The following PTTG1IP2 variants were observed in gnomAD, a reference collection of about 807,000 sequenced individuals.
PTTG1IP2 encodes the protein PTTG1IP family member 2.
At chr7:90,483,709 A>G (rs1184210823) in intron 2 of PTTG1IP2, among the ~76,000 whole-genome samples, 2 of 152,328 alleles carry the variant, frequency 1.3e-5, no homozygotes, top group East Asian at 3.9e-4. Flanking sequence ...TTAATCACTC[A>G]TTCCTTTTGG....
chr7:90,506,916 T>G (rs1798130491), intron 6 of PTTG1IP2, among the ~76,000 whole-genome samples: 1 of 150,800 alleles, frequency 6.6e-6, no homozygotes, highest in African/African-American at 2.5e-5. Context: ...TTCTCTGGTG[T>G]GGTATTTTTT....
intron 6 of PTTG1IP2, among the ~76,000 whole-genome samples, chr7:90,504,080 G>A (rs1798096354): frequency 6.6e-6 from 1 of 152,152 alleles, no homozygotes; most frequent in African/African-American, 2.4e-5. Flanking sequence ...ATTTTGGGAG[G>A]CTGGAGCAGG....
At chr7:90,482,522 C>T (rs1402316971) in intron 2 of PTTG1IP2, among the ~76,000 whole-genome samples, 1 of 148,948 alleles carries the variant, frequency 6.7e-6, no homozygotes, top group South Asian at 2.2e-4. Flanking sequence ...CCCCACACAA[C>T]TCATAAACAT....
intron 6 of PTTG1IP2, among the ~76,000 whole-genome samples, chr7:90,497,713 T>TAAAAAAAAAAAAAAAAAAAAAAAAAA (rs1491565834): frequency 8.1e-5 from 4 of 49,598 alleles, no homozygotes; most frequent in African/African-American, 4.1e-4. Flanking sequence ...AAAGACCCTG[T>TAAAAAAAAAAAAAAAAAAAAAAAAAA]ATAAAAAAAA....
chr7:90,507,637 G>T (rs1798138877), intron 6 of PTTG1IP2, among the ~76,000 whole-genome samples: 1 of 152,108 alleles, frequency 6.6e-6, no homozygotes, highest in Non-Finnish European at 1.5e-5. Context: ...AAATATCTTG[G>T]ATTCTCATCT....
intron 2 of PTTG1IP2, among the ~76,000 whole-genome samples, chr7:90,482,058 T>C (rs766182160): frequency 1.8e-4 from 28 of 152,140 alleles, no homozygotes; most frequent in Non-Finnish European, 2.8e-4. Flanking sequence ...TAATTCCACA[T>C]GGTCAACATA....
At chr7:90,472,320 A>ACACACACACC (rs200172778) in intron 1 of PTTG1IP2, among the ~76,000 whole-genome samples, 1 of 101,746 alleles carries the variant, frequency 9.8e-6, no homozygotes, top group Admixed American at 1.1e-4. Flanking sequence ...ACACACACAC[A>ACACACACACC]CCCCAAATAA....
intron 6 of PTTG1IP2, among the ~76,000 whole-genome samples, chr7:90,495,426 C>G (rs17865013): frequency 0.042 from 6,437 of 152,260 alleles, 283 homozygotes; most frequent in East Asian, 0.13. Flanking sequence ...AGGGACTATC[C>G]TTTGGATTAC....
At chr7:90,498,211 G>C (rs1375767196) in intron 6 of PTTG1IP2, among the ~76,000 whole-genome samples, 5 of 152,114 alleles carry the variant, frequency 3.3e-5, no homozygotes, top group Non-Finnish European at 7.4e-5. Flanking sequence ...ATTTTTAGTA[G>C]AGACGGGGTT....
At chr7:90,486,071 T>A (rs913192469) in intron 2 of PTTG1IP2, among the ~76,000 whole-genome samples, 1 of 152,208 alleles carries the variant, frequency 6.6e-6, no homozygotes, top group African/African-American at 2.4e-5. Flanking sequence ...AAACAAAAGC[T>A]GGCCTGTGAT....
intron 2 of PTTG1IP2, among the ~76,000 whole-genome samples, chr7:90,483,407 T>C (rs550412407): frequency 2.6e-5 from 4 of 152,334 alleles, no homozygotes; most frequent in Non-Finnish European, 4.4e-5. Context: ...CCTCTATCTA[T>C]GTGTCATACT....
At chr7:90,503,924 T>A (rs1354099155) in intron 6 of PTTG1IP2, among the ~76,000 whole-genome samples, 1 of 152,160 alleles carries the variant, frequency 6.6e-6, no homozygotes, top group African/African-American at 2.4e-5. Flanking sequence ...AAACCTTAAA[T>A]CTGTAGAAAG....
At chr7:90,512,888 G>A (rs545401810) in intron 6 of PTTG1IP2, among the ~76,000 whole-genome samples, 1 of 152,286 alleles carries the variant, frequency 6.6e-6, no homozygotes, top group African/African-American at 2.4e-5. Context: ...GTGACCTTTT[G>A]GAATAGATGG....
intron 1 of PTTG1IP2, among the ~76,000 whole-genome samples, chr7:90,472,514 A>G (rs1797703980): frequency 6.6e-6 from 1 of 152,250 alleles, no homozygotes; most frequent in South Asian, 2.1e-4. Flanking sequence ...TAATTTGAAT[A>G]TAAGGCAAGG....
At chr7:90,492,897 C>T (rs1026153418) in intron 5 of PTTG1IP2, among the ~76,000 whole-genome samples, 2 of 152,092 alleles carry the variant, frequency 1.3e-5, no homozygotes, top group African/African-American at 4.8e-5. Flanking sequence ...CTAAACTTTC[C>T]CTTACTTACA....
intron 3 of PTTG1IP2, 86 bp from the exon 4 acceptor site, chr7:90,488,785 C>T (rs567400079): frequency 1.3e-5 from 2 of 152,066 alleles, no homozygotes; most frequent in South Asian, 4.1e-4. Context: ...TAAAGAATCA[C>T]ATTGCATGAT....
intron 6 of PTTG1IP2, among the ~76,000 whole-genome samples, chr7:90,507,966 T>C (rs1385843285): frequency 6.6e-6 from 1 of 151,988 alleles, no homozygotes; most frequent in Non-Finnish European, 1.5e-5. Flanking sequence ...TTAGATACTA[T>C]AAAATATCAG....
chr7:90,476,776 T>A (rs1220403092), intron 1 of PTTG1IP2, among the ~76,000 whole-genome samples: 1 of 152,166 alleles, frequency 6.6e-6, no homozygotes, highest in Non-Finnish European at 1.5e-5. Context: ...TTAAAATAGA[T>A]GTAACAGGTA....
chr7:90,476,798 A>C (rs1227866736), intron 1 of PTTG1IP2, among the ~76,000 whole-genome samples: 1 of 152,122 alleles, frequency 6.6e-6, no homozygotes, highest in East Asian at 1.9e-4. Context: ...ATAAAATATA[A>C]GAAGAATTTT....
Sources: gnomAD v4.1 joint callset for allele counts (sites outside exome capture counted in the v4.1 genomes callset) on GRCh38, gnomAD v4.1.1 for gene constraint, MANE v1.5 for transcripts, NCBI Gene and HGNC (gene_info 2026-07-23, HGNC 2026-07-21) for gene names.